CBLB: variants seen among roughly 807,000 people sequenced by gnomAD.
CBLB encodes the protein E3 ubiquitin-protein ligase CBL-B.
In CBLB, 31 loss-of-function variants were observed where a neutral mutation model predicts 104.9. That is an observed-to-expected ratio of 0.30 (90% CI 0.22 to 0.40). The LOEUF (loss-of-function observed/expected upper bound fraction) is 0.40. CBLB is among the 10% of genes least tolerant of loss of function. The pLI, the probability that CBLB is intolerant of heterozygous loss-of-function variation, is 1.00. For synonymous variants in CBLB, 440 were observed against 422.6 expected (o/e 1.04, Z -0.51); for missense variants, 1,062 against 1,214.6 (o/e 0.87, Z 1.87).
At chr3:105,685,210 CT>C (rs2066858912) in intron 14 of CBLB, 109 bp downstream of exon 14, 1 of 960,524 alleles carries the variant, frequency 1.0e-6, no homozygotes, top group Non-Finnish European at 1.7e-6. Context: ...AGGATTTGAG[CT>C]GGAAATTAAG....
chr3:105,815,574 T>C lies in CBLB; in HGVS notation c.419+37840A>G, dbSNP rs144776393. Reference sequence around the variant, plus strand: ...AGATGCTGGAGACGATGTGGAAAAATAGGAATGCTTACACACTGTTGGTGG... The same window carrying C: ...AGATGCTGGAGACGATGTGGAAAAACAGGAATGCTTACACACTGTTGGTGG... On this transcript the variant is annotated intron_variant, in intron 3 of 18. Transcript: ENST00000394030. Among the ~76,000 whole-genome samples the C allele has an allele frequency of 1.6e-3, 242 of 152,148 alleles. 6 individuals carry two copies. The East Asian group carries it at 0.037, about 23-fold the overall frequency.
chr3:105,722,374 G>A (rs1389980376), intron 9 of CBLB, among the ~76,000 whole-genome samples: 2 of 151,768 alleles, frequency 1.3e-5, no homozygotes, highest in African/African-American at 2.4e-5. Flanking sequence ...AAAATTTGAG[G>A]GAAAACTATA....
rs565366631 is a variant in CBLB, at chr3:105,868,846, A to G, written c.-125T>C. On this transcript the variant is annotated 5_prime_UTR_variant, in exon 1 of 19. Coordinates refer to ENST00000394030, the MANE Select transcript of CBLB (RefSeq NM_170662.5). ...GGCTGGGAGTGGGATCGCTGAGAAC[A>G]GCTCGCTCCCGAAGAAGGAGCAACC... 4.0e-6 allele frequency: 4 copies of G among 1,008,528 alleles called. No homozygotes were observed. Among genetic ancestry groups the G allele is most frequent in the East Asian group, 1.1e-4 (1 of 8,922 alleles). The allele number at this position is 1,008,528 out of a possible 1,614,324, so 62.5% of individuals were successfully genotyped here. A position where few individuals can be genotyped will look rare whatever the true frequency, so the allele number is the denominator to read the frequency against.
intron 3 of CBLB, among the ~76,000 whole-genome samples, chr3:105,802,447 A>C (rs1038245032): frequency 6.6e-6 from 1 of 152,234 alleles, no homozygotes; most frequent in South Asian, 2.1e-4. Flanking sequence ...TATTCTCCAG[A>C]GTTGCCAACT....
In CBLB at chr3:105,681,713, T is replaced by G. The variant is rs1321593257; in HGVS notation, c.2296+11A>C. 1 of 1,597,682 alleles carries G rather than the reference T, an allele frequency of 6.3e-7. No individual in the cohort carries two copies. The highest frequency in any genetic ancestry group is 8.6e-7 in the Non-Finnish European group (1 of 1,165,120). On this transcript the variant is annotated intron_variant, in intron 15 of 18. Coordinates refer to ENST00000394030, the MANE Select transcript of CBLB (RefSeq NM_170662.5). ...ATGTACATCACAAAGGAAATTATAT[T>G]CTATACGTACCCTTTAAATATATGC...
At chr3:105,790,743 G>A (rs556435244) in intron 3 of CBLB, among the ~76,000 whole-genome samples, 7 of 152,334 alleles carry the variant, frequency 4.6e-5, no homozygotes, top group Non-Finnish European at 1.0e-4. Context: ...GCAGAAGAAC[G>A]TGCCAGGCAA....
chr3:105,820,069 T>C (rs554908825), intron 3 of CBLB, among the ~76,000 whole-genome samples: 1 of 152,294 alleles, frequency 6.6e-6, no homozygotes, highest in South Asian at 2.1e-4. Context: ...TGAACTTGTT[T>C]TCCTGAAACT....
At chr3:105,852,995 G>T (rs770518333) in intron 3 of CBLB, among the ~76,000 whole-genome samples, 2 of 152,094 alleles carry the variant, frequency 1.3e-5, no homozygotes, top group Non-Finnish European at 2.9e-5. Context: ...GGGATTACAG[G>T]CATGACCCAC....
At chr3:105,666,956 T>G (rs1056976756) in intron 18 of CBLB, among the ~76,000 whole-genome samples, 1 of 152,134 alleles carries the variant, frequency 6.6e-6, no homozygotes, top group Non-Finnish European at 1.5e-5. Context: ...TACCTTAAAA[T>G]TCCAACCCTT....
At chr3:105,869,409 T>TTCC (rs1560613978), upstream of CBLB, 2 of 1,337,130 alleles carry the variant, frequency 1.5e-6, no homozygotes, top group East Asian at 8.1e-5. Flanking sequence ...AAGGCGGGAC[T>TTCC]TCCTGCTTCG....
intron 7 of CBLB, 134 bp downstream of exon 7, chr3:105,740,360 A>C (rs889142984): frequency 1.1e-6 from 1 of 871,272 alleles, no homozygotes; most frequent in Non-Finnish European, 1.9e-6. Flanking sequence ...TGAACAAAAA[A>C]CTAAGGAACA....
At chr3:105,673,489 G>C (rs1010339450) in intron 17 of CBLB, 1 of 152,038 alleles carries the variant, frequency 6.6e-6, no homozygotes, top group East Asian at 1.9e-4. Context: ...TTCCTCCCTG[G>C]CCATCCATAA....
chr3:105,731,748 C>G (rs2074340920), intron 9 of CBLB, among the ~76,000 whole-genome samples: 1 of 152,158 alleles, frequency 6.6e-6, no homozygotes, highest in African/African-American at 2.4e-5. Context: ...AGCCGCCATG[C>G]CTGGCCAGTA....
chr3:105,801,368 TTAATA>T (rs2082848578), intron 3 of CBLB, among the ~76,000 whole-genome samples: 1 of 152,210 alleles, frequency 6.6e-6, no homozygotes, highest in African/African-American at 2.4e-5. Context: ...AAGCATATTT[TTAATA>T]TTTTAATGTA....
At chr3:105,789,127 T>C (rs1320980823) in intron 3 of CBLB, among the ~76,000 whole-genome samples, 1 of 152,202 alleles carries the variant, frequency 6.6e-6, no homozygotes, top group Non-Finnish European at 1.5e-5. Context: ...TGGTTTGCTA[T>C]ACAGCAATAA....
chr3:105,805,302 A>ATTTT (rs1221623767), intron 3 of CBLB, among the ~76,000 whole-genome samples: 17 of 138,636 alleles, frequency 1.2e-4, no homozygotes, highest in East Asian at 2.1e-4. Flanking sequence ...ATGGCCCCCA[A>ATTTT]TTTTTTTTTT....
chr3:105,765,492 A>G (rs565444089), intron 4 of CBLB, among the ~76,000 whole-genome samples: 1 of 152,314 alleles, frequency 6.6e-6, no homozygotes, highest in East Asian at 1.9e-4. Flanking sequence ...CTTCAGAACT[A>G]TGAGAAATAA....
At chr3:105,748,972 T>C (rs1211768800) in intron 5 of CBLB, among the ~76,000 whole-genome samples, 1 of 152,194 alleles carries the variant, frequency 6.6e-6, no homozygotes, top group Non-Finnish European at 1.5e-5. Context: ...ATATCATGGC[T>C]ATAGCTGAAT....
At chr3:105,726,354 T>C (rs942351631) in intron 9 of CBLB, among the ~76,000 whole-genome samples, 1 of 152,240 alleles carries the variant, frequency 6.6e-6, no homozygotes, top group East Asian at 1.9e-4. Flanking sequence ...TTTTAAATTA[T>C]ATCAAACAAT....
Sources: allele counts gnomAD v4.1 joint callset (sites outside exome capture counted in the v4.1 genomes callset), GRCh38; gene constraint gnomAD v4.1.1; transcripts MANE v1.5; gene names NCBI Gene and HGNC (gene_info 2026-07-23, HGNC 2026-07-21).